Variants in P2RX5 observed in about 807,000 individuals in gnomAD.
P2RX5 encodes purinergic receptor P2X 5.
P2RX5 carries 46 observed loss-of-function variants against 54.1 expected under a neutral mutation model. The ratio of observed to expected loss-of-function variants is 0.85; its 90% CI spans 0.67 to 1.09. P2RX5 has a LOEUF of 1.09. Among genes scored for constraint, P2RX5 ranks in the 50% least tolerant of loss-of-function variants. P2RX5 has a pLI of 0.00. For missense variants in P2RX5, 566 were observed against 549.8 expected, an observed-to-expected ratio of 1.03 and a Z score of -0.29; for synonymous variants, 226 against 226.4, an observed-to-expected ratio of 1.00 and a Z score of 0.02.
intron 9 of P2RX5, among the ~76,000 whole-genome samples, chr17:3,684,116 C>G (rs1423923737): frequency 6.6e-6 from 1 of 152,260 alleles, no homozygotes; most frequent in East Asian, 1.9e-4. Flanking sequence ...CCCTCAGTCC[C>G]TGTGTCTCCT....
chr17:3,701,696 G>GAAAA, the P2RX5 span, among the ~76,000 whole-genome samples: 3 of 73,408 alleles, frequency 4.1e-5, no homozygotes, highest in African/African-American at 1.2e-4. Flanking sequence ...CTCTGTCTCA[G>GAAAA]AAAAAAAAAA....
Position 3,688,638 on chromosome 17 carries a change from C to A in P2RX5, c.875G>T (p.Gly292Val). 2 of 1,614,112 alleles carry A rather than the reference C, an allele frequency of 1.2e-6. No homozygotes were observed. The highest frequency in any genetic ancestry group is 1.7e-6 in the Non-Finnish European group (2 of 1,180,032). Residue 292 changes from glycine to valine, a missense_variant, in exon 8 of 12, where the codon GGG (glycine) becomes GTG (valine). By Grantham distance (109) the Gly-to-Val change is moderately radical. Transcript: ENST00000225328. ...AGGCAGCGGTTACCTGAAGTTGTAC[C>A]CGGAGGAGACAGACTTTGAAAGTTT... ...DNKLSKSVSS[G>V]YNFRFARYYR... is the part of the protein sequence containing the mutation.
At chr17:3,695,525 G>A (rs1486978072) in intron 1 of P2RX5, among the ~76,000 whole-genome samples, 1 of 152,156 alleles carries the variant, frequency 6.6e-6, no homozygotes, top group Non-Finnish European at 1.5e-5. Context: ...CTGCCACCCA[G>A]CCCCCTGGCA....
In P2RX5 at chr17:3,692,039, C is replaced by T. The variant is rs2050631402; in HGVS notation, c.138-245G>A. 7 of 541,482 alleles carry T rather than the reference C, an allele frequency of 1.3e-5. No individual in the cohort carries two copies. The East Asian group carries it at 2.3e-4, about 18-fold the overall frequency. 33.5% of individuals were successfully genotyped at this position (541,482 alleles called of 1,614,324 possible). On this transcript the variant is annotated intron_variant, in intron 1 of 11. Transcript: ENST00000225328. Reference sequence around the variant, plus strand: ...ATGGGGGCCCTGAAGAGGCAAAGACCAGCCGGGCGCAGTGGCTCACGCCTA... The same window carrying T: ...ATGGGGGCCCTGAAGAGGCAAAGACTAGCCGGGCGCAGTGGCTCACGCCTA...
In P2RX5 at chr17:3,690,955, C is replaced by A. The variant is rs755792671; in HGVS notation, c.360+1G>T. The A allele has an allele frequency of 2.5e-6, 4 of 1,609,838 alleles. No individual in the cohort carries two copies. The Admixed American group carries it at 6.7e-5, about 27-fold the overall frequency. Reference sequence around the variant, plus strand: ...CGCCAGGGCCCCTCGCCAAATCAAACCTCAGCACAGACGTTCTGCCGCTGG... The same window carrying A: ...CGCCAGGGCCCCTCGCCAAATCAAAACTCAGCACAGACGTTCTGCCGCTGG... On this transcript the variant is annotated splice_donor_variant, in intron 3 of 11. Transcript: ENST00000225328. LOFTEE classifies it high-confidence loss of function.
the P2RX5 span, chr17:3,720,488 C>A: frequency 1.5e-6 from 1 of 682,910 alleles, no homozygotes; most frequent in East Asian, 2.7e-5. Context: ...CCACCTTTCC[C>A]TTTAAAGGTA....
intron 1 of P2RX5, among the ~76,000 whole-genome samples, chr17:3,694,963 G>A (rs2050715572): frequency 6.6e-6 from 1 of 152,196 alleles, no homozygotes; most frequent in African/African-American, 2.4e-5. Context: ...ACAGCACAGC[G>A]CCTACGAGGC....
At chr17:3,700,253 G>A (rs1159723001), upstream of P2RX5, among the ~76,000 whole-genome samples, 1 of 152,136 alleles carries the variant, frequency 6.6e-6, no homozygotes, top group African/African-American at 2.4e-5. Flanking sequence ...TCCAAGTCAG[G>A]GCCGGGCAGT....
the P2RX5 span, chr17:3,714,824 C>A: frequency 2.1e-6 from 3 of 1,420,532 alleles, no homozygotes; most frequent in Admixed American, 5.1e-5. Flanking sequence ...TGGCTGATAG[C>A]CTCTCCCAGT....
chr17:3,688,488 C>T, intron 8 of P2RX5, 138 bp downstream of exon 8: 2 of 938,128 alleles, frequency 2.1e-6, no homozygotes, highest in Middle Eastern at 2.9e-4. Flanking sequence ...GGGGTCCACA[C>T]CTCTCCTGGG....
the P2RX5 span, chr17:3,714,717 G>A: frequency 8.7e-6 from 5 of 574,012 alleles, no homozygotes; most frequent in South Asian, 1.2e-4. Flanking sequence ...ACAATGTATG[G>A]TTAAAAACTA....
chr17:3,692,913 T>C (rs760645289), intron 1 of P2RX5, among the ~76,000 whole-genome samples: 16 of 151,998 alleles, frequency 1.1e-4, no homozygotes, highest in Non-Finnish European at 1.8e-4. Flanking sequence ...AAAAAATAGG[T>C]AAGTTGGACT....
chr17:3,694,135 G>A (rs567316563), intron 1 of P2RX5, among the ~76,000 whole-genome samples: 7 of 151,522 alleles, frequency 4.6e-5, no homozygotes, highest in African/African-American at 1.7e-4. Flanking sequence ...AGCCCCACAC[G>A]GCAGGATAGT....
chr17:3,707,983 G>A, the P2RX5 span, among the ~76,000 whole-genome samples: 35 of 149,364 alleles, frequency 2.3e-4, no homozygotes, highest in African/African-American at 8.3e-4. Context: ...GCGTGAACCC[G>A]GGATGCGGAA....
At chr17:3,699,853 A>AAAAGAAAGAAAGAAAGAAAGAAAG (rs752465811), upstream of P2RX5, among the ~76,000 whole-genome samples, 1 of 80,898 alleles carries the variant, frequency 1.2e-5, no homozygotes, top group African/African-American at 3.8e-5. Flanking sequence ...AGAAAAAGAA[A>AAAAGAAAGAAAGAAAGAAAGAAAG]AAAGAAAGAA....
intron 11 of P2RX5, 54 bp downstream of exon 11, chr17:3,679,536 G>T (rs936003113): frequency 4.5e-6 from 7 of 1,549,648 alleles, no homozygotes; most frequent in African/African-American, 1.4e-5. Context: ...CCCAACTGGG[G>T]ACCCCTCTCT....
At chr17:3,710,528 TTATAA>T in the P2RX5 span, among the ~76,000 whole-genome samples, 1 of 151,936 alleles carries the variant, frequency 6.6e-6, no homozygotes, top group Non-Finnish European at 1.5e-5. Flanking sequence ...TCTGGTGCCA[TTATAA>T]TATAATTATG....
At chr17:3,676,102 T>G (rs2050097090) in intron 11 of P2RX5, 3 of 985,336 alleles carry the variant, frequency 3.0e-6, no homozygotes, top group Non-Finnish European at 3.6e-6. Context: ...TGGGACTGGT[T>G]GAGTGAGGGC....
At chr17:3,700,488 G>A (rs897432623), upstream of P2RX5, among the ~76,000 whole-genome samples, 1 of 151,164 alleles carries the variant, frequency 6.6e-6, no homozygotes, top group Non-Finnish European at 1.5e-5. Context: ...AGCCGAGACT[G>A]TGCCACTGCA....
Sources: gnomAD v4.1 joint callset for allele counts (sites outside exome capture counted in the v4.1 genomes callset) on GRCh38, gnomAD v4.1.1 for gene constraint, MANE v1.5 for transcripts, NCBI Gene and HGNC (gene_info 2026-07-23, HGNC 2026-07-21) for gene names.